The following ERC1 variants were observed in gnomAD, a reference collection of about 807,000 sequenced individuals.
The protein encoded by ERC1 is ELKS/RAB6-interacting/CAST family member 1.
ERC1 carries 56 observed loss-of-function variants against 132.0 expected under a neutral mutation model. That is an observed-to-expected ratio of 0.42 (90% CI 0.34 to 0.53). The LOEUF is 0.53. Ranked by LOEUF, ERC1 falls within the 20% of genes least tolerant of loss-of-function variation. The pLI is 0.03. For missense variants in ERC1, 1,202 were observed against 1,349.9 expected, an observed-to-expected ratio of 0.89 and a Z score of 1.72; for synonymous variants, 478 against 476.1, an observed-to-expected ratio of 1.00 and a Z score of -0.05.
chr12:1,061,809 A>G (rs1387678566), intron 2 of ERC1, among the ~76,000 whole-genome samples: 1 of 149,404 alleles, frequency 6.7e-6, no homozygotes, highest in Non-Finnish European at 1.5e-5. Context: ...TTCTTACACT[A>G]ATTTTGAGTT....
chr12:1,137,868 A>G (rs992138500), intron 7 of ERC1, among the ~76,000 whole-genome samples: 8 of 145,448 alleles, frequency 5.5e-5, no homozygotes, highest in African/African-American at 1.8e-4. Context: ...CAAAAAATAT[A>G]TATAATTTAT....
intron 16 of ERC1, among the ~76,000 whole-genome samples, chr12:1,401,548 G>A (rs2154387716): frequency 6.6e-6 from 1 of 152,198 alleles, no homozygotes; most frequent in South Asian, 2.1e-4. Context: ...TAGAGCTCTA[G>A]CCCTGTGACT....
chr12:1,232,083 A>G (rs2075084082), intron 12 of ERC1, among the ~76,000 whole-genome samples: 2 of 152,206 alleles, frequency 1.3e-5, no homozygotes, highest in South Asian at 2.1e-4. Flanking sequence ...GTTTTTGTCT[A>G]TTAGCACTTT....
At chr12:1,249,161 G>T (rs1429984300) in intron 13 of ERC1, among the ~76,000 whole-genome samples, 7 of 152,090 alleles carry the variant, frequency 4.6e-5, no homozygotes, top group Admixed American at 4.6e-4. Flanking sequence ...AAAATGCATG[G>T]ATTATACTTT....
At chr12:1,033,656 G>C (rs1968511483) in intron 2 of ERC1, among the ~76,000 whole-genome samples, 1 of 151,706 alleles carries the variant, frequency 6.6e-6, no homozygotes, top group Admixed American at 6.6e-5. Context: ...TTTTGAGACG[G>C]AGTCTTGCTC....
At chr12:1,419,701 A>C (rs1219360676) in intron 17 of ERC1, among the ~76,000 whole-genome samples, 1 of 151,992 alleles carries the variant, frequency 6.6e-6, no homozygotes, top group African/African-American at 2.4e-5. Context: ...TAGTTTTGCA[A>C]GATGAAAAAG....
intron 12 of ERC1, among the ~76,000 whole-genome samples, chr12:1,222,400 A>G (rs1959076213): frequency 6.6e-6 from 1 of 151,502 alleles, no homozygotes; most frequent in Non-Finnish European, 1.5e-5. Context: ...TAATTTTTGT[A>G]TTTTTGGCAG....
At chr12:1,334,989 C>T (rs1474295624) in intron 15 of ERC1, among the ~76,000 whole-genome samples, 1 of 152,086 alleles carries the variant, frequency 6.6e-6, no homozygotes, top group Non-Finnish European at 1.5e-5. Flanking sequence ...CTTTTTCAGG[C>T]ACGTGTAAAT....
rs759858657 is a variant in ERC1 at position 1,180,631 on chromosome 12, A to C, written c.1829A>C (p.Asn610Thr). The part of the protein sequence containing the change: ...RVKSLQADTT[N>T]TDTALTTLEE... ...AAATCCTTGCAGGCTGACACCACCA[A>C]CACTGACACTGCCTTGACAACTTTG... The change falls in exon 9 of 19, where the codon AAC becomes ACC. Residue 610 changes from asparagine (N) to threonine (T), a missense_variant. Coordinates refer to ENST00000360905, the MANE Select transcript of ERC1 (RefSeq NM_178040.4). The C allele has an allele frequency of 1.6e-5, 26 of 1,613,940 alleles. No homozygotes were observed. The highest frequency in any genetic ancestry group is 5.1e-6 in the Non-Finnish European group (6 of 1,180,034).
At chr12:1,427,913 TTTAC>T (rs1373837221) in intron 17 of ERC1, among the ~76,000 whole-genome samples, 3 of 152,222 alleles carry the variant, frequency 2.0e-5, no homozygotes, top group Non-Finnish European at 4.4e-5. Context: ...GGTAGAACCT[TTTAC>T]TTAATGTATT....
At chr12:1,440,439 C>T (rs887744177) in intron 17 of ERC1, among the ~76,000 whole-genome samples, 3 of 150,668 alleles carry the variant, frequency 2.0e-5, no homozygotes, top group South Asian at 2.1e-4. Context: ...ATCTCCTGAC[C>T]TCGTGATCTG....
chr12:1,225,437 G>A (rs2074484889), intron 12 of ERC1, among the ~76,000 whole-genome samples: 1 of 108,466 alleles, frequency 9.2e-6, no homozygotes, highest in Non-Finnish European at 1.8e-5. Flanking sequence ...ACAACAAAAT[G>A]AGGCTGTCTC....
intron 7 of ERC1, among the ~76,000 whole-genome samples, chr12:1,127,886 GAT>G (rs1948371005): frequency 6.6e-6 from 1 of 152,176 alleles, no homozygotes; most frequent in African/African-American, 2.4e-5. Context: ...TCCTAAGTGA[GAT>G]AGGGATCTGA....
rs548431401 is a variant in ERC1 at position 1,242,880 on chromosome 12, T to C, written c.2487+5976T>C. On this transcript the variant is annotated intron_variant, in intron 13 of 18. Coordinates refer to ENST00000360905, the MANE Select transcript of ERC1 (RefSeq NM_178040.4). ...AACAGCTATTTACATAGTGTTTACA[T>C]TGTATTGGGTATTAGAAGAAATCGA... Among the ~76,000 whole-genome samples, 3 of 152,330 alleles carry C rather than the reference T, an allele frequency of 2.0e-5. No homozygotes were observed. The South Asian group carries it at 6.2e-4, about 32-fold the overall frequency.
At chr12:1,373,671 T>C (rs543082318) in intron 16 of ERC1, among the ~76,000 whole-genome samples, 38 of 152,228 alleles carry the variant, frequency 2.5e-4, no homozygotes, top group African/African-American at 8.7e-4. Context: ...TCCCAGATAC[T>C]TGGGAGGCTG....
chr12:1,030,471 C>T (rs1967812918), intron 2 of ERC1, among the ~76,000 whole-genome samples: 1 of 152,058 alleles, frequency 6.6e-6, no homozygotes, highest in Non-Finnish European at 1.5e-5. Context: ...ACCTGTACTC[C>T]CAGCACTTTG....
intron 8 of ERC1, among the ~76,000 whole-genome samples, chr12:1,175,493 CT>C (rs1285258957): frequency 2.0e-5 from 3 of 149,968 alleles, no homozygotes; most frequent in Non-Finnish European, 1.5e-5. Flanking sequence ...ACAAAAAACA[CT>C]CTTATTACTC....
rs537643066 is a variant in ERC1 at position 1,209,824 on chromosome 12, T to A, written c.2351+19772T>A. ...TTTCAAATAGATTTTTCTCCTTTTT[T>A]AAAAAATTCACAAACATTTAACAAT... On this transcript the variant is annotated intron_variant, in intron 12 of 18. Coordinates refer to ENST00000360905, the MANE Select transcript of ERC1 (RefSeq NM_178040.4). Among the ~76,000 whole-genome samples the A allele has an allele frequency of 8.1e-4, 123 of 152,332 alleles. No individual in the cohort carries two copies. In the South Asian group the frequency reaches 0.011, roughly 14 times the overall value.
At chr12:1,296,975 AT>A (rs2080002951) in intron 15 of ERC1, among the ~76,000 whole-genome samples, 1 of 152,176 alleles carries the variant, frequency 6.6e-6, no homozygotes, top group African/African-American at 2.4e-5. Context: ...TGAATCTTTG[AT>A]TTACAAATCC....
Sources: gnomAD v4.1 joint callset for allele counts (sites outside exome capture counted in the v4.1 genomes callset) on GRCh38, gnomAD v4.1.1 for gene constraint, MANE v1.5 for transcripts, NCBI Gene and HGNC (gene_info 2026-07-23, HGNC 2026-07-21) for gene names.